PKN2: variants seen among roughly 807,000 people sequenced by gnomAD.
PKN2 encodes the protein protein kinase N2, also known as serine/threonine-protein kinase N2.
Under a neutral mutation model 119.1 loss-of-function variants are expected in PKN2, and 38 were observed. That is an observed-to-expected ratio of 0.32 (90% CI 0.25 to 0.42). The LOEUF (loss-of-function observed/expected upper bound fraction) is 0.42. Among genes scored for constraint, PKN2 ranks in the 10% least tolerant of loss-of-function variants. The pLI is 1.00. For missense variants in PKN2, 850 were observed against 1,165.1 expected (o/e 0.73, Z 3.94); for synonymous variants, 390 against 384.9 (o/e 1.01, Z -0.15).
intron 6 of PKN2, among the ~76,000 whole-genome samples, chr1:88,774,832 C>T (rs986161069): frequency 3.3e-5 from 5 of 151,976 alleles, no homozygotes; most frequent in Non-Finnish European, 7.4e-5. Context: ...CCTCAACCTC[C>T]TGAGTAGCTA....
chr1:88,702,514 G>A lies in PKN2; in HGVS notation c.48+17886G>A, dbSNP rs560665720. Among the ~76,000 whole-genome samples the A allele has an allele frequency of 5.3e-5, 8 of 152,274 alleles. No homozygotes were observed. In the East Asian group the frequency reaches 1.5e-3, roughly 29 times the overall value. ...TGCTGGTTCTAAACTTTGGTCAGCA[G>A]CTTGAGAAGGAAGGCATTGTGTTAT... On this transcript the variant is annotated intron_variant, in intron 1 of 21. Transcript: ENST00000370521.
At chr1:88,745,443 A>C (rs991038895) in intron 2 of PKN2, among the ~76,000 whole-genome samples, 10 of 152,240 alleles carry the variant, frequency 6.6e-5, no homozygotes, top group Non-Finnish European at 1.5e-4. Flanking sequence ...ATCAGCATAC[A>C]AAAGTCAGTA....
chr1:88,717,181 C>T (rs1667489763), intron 1 of PKN2, among the ~76,000 whole-genome samples: 1 of 152,194 alleles, frequency 6.6e-6, no homozygotes, highest in Non-Finnish European at 1.5e-5. Context: ...GTCTGATGGG[C>T]TTCCCTTTGT....
At chr1:88,718,620 T>A (rs959610070) in intron 1 of PKN2, among the ~76,000 whole-genome samples, 2 of 152,176 alleles carry the variant, frequency 1.3e-5, no homozygotes, top group Non-Finnish European at 2.9e-5. Context: ...AACTGAAAAT[T>A]TCTTAACATC....
chr1:88,820,030 A>ATACC (rs1281407033), intron 16 of PKN2, among the ~76,000 whole-genome samples: 1 of 151,630 alleles, frequency 6.6e-6, no homozygotes, highest in Non-Finnish European at 1.5e-5. Context: ...ATTAGGAGAA[A>ATACC]TACCTAATGT....
chr1:88,760,261 G>T lies in PKN2; in HGVS notation c.389G>T (p.Arg130Leu), dbSNP rs749956821. The change falls in exon 3 of 22, where the codon CGT becomes CTT. Residue 130 changes from arginine (R) to leucine (L), a missense_variant. Arg to Leu is a moderately radical substitution (Grantham distance 102). Around this residue, in one of 9 missense-constraint regions of PKN2, gnomAD observed 350 missense variants for 511.1 expected, o/e 0.68. Coordinates refer to ENST00000370521, the MANE Select transcript of PKN2 (RefSeq NM_006256.4). ...RTPDTPNNDP[R>L]CSTSNNRLKA... is the part of the protein sequence containing the mutation. ...CCAGATACTCCAAATAATGACCCTC[G>T]TTGTTCTACTAGCAACAATAGATTG... is the stretch of plus-strand genomic sequence containing the variant. 6.3e-7 allele frequency: 1 copy of T among 1,578,596 alleles called. No individual in the cohort carries two copies. The highest frequency in any genetic ancestry group is 8.7e-7 in the Non-Finnish European group (1 of 1,152,870).
chr1:88,816,097 G>A (rs1281515013), intron 16 of PKN2, among the ~76,000 whole-genome samples: 5 of 151,402 alleles, frequency 3.3e-5, no homozygotes, highest in Non-Finnish European at 7.4e-5. Context: ...CCAAGATCAC[G>A]TCACTGCACT....
At chr1:88,712,512 A>G (rs1042645683) in intron 1 of PKN2, among the ~76,000 whole-genome samples, 6 of 152,150 alleles carry the variant, frequency 3.9e-5, no homozygotes, top group Admixed American at 2.6e-4. Flanking sequence ...ATGATTTTGC[A>G]TACTACTAAA....
intron 1 of PKN2, among the ~76,000 whole-genome samples, chr1:88,699,875 T>C (rs111773543): frequency 0.021 from 3,193 of 152,186 alleles, 70 homozygotes; most frequent in South Asian, 0.07. Flanking sequence ...CTCTGCCTCC[T>C]GGGTTCAAGT....
intron 2 of PKN2, among the ~76,000 whole-genome samples, chr1:88,747,864 C>T (rs558086028): frequency 3.1e-4 from 47 of 151,984 alleles, no homozygotes; most frequent in Middle Eastern, 3.4e-3. Flanking sequence ...CTTCTAAATT[C>T]CTAAAATATA....
intron 6 of PKN2, among the ~76,000 whole-genome samples, chr1:88,774,341 G>A (rs1487476461): frequency 6.6e-6 from 1 of 152,126 alleles, no homozygotes; most frequent in African/African-American, 2.4e-5. Context: ...CCCCTCCCTA[G>A]GTCAGGAGGT....
At chr1:88,804,947 G>T in intron 10 of PKN2, 26 bp downstream of exon 10, 1 of 1,049,588 alleles carries the variant, frequency 9.5e-7, no homozygotes, top group African/African-American at 1.6e-5. Flanking sequence ...CAAATGCATA[G>T]CATTTTGATA....
intron 2 of PKN2, among the ~76,000 whole-genome samples, chr1:88,744,787 T>TA (rs1233794010): frequency 6.6e-6 from 1 of 152,212 alleles, no homozygotes; most frequent in Non-Finnish European, 1.5e-5. Context: ...GTTTGTAAAA[T>TA]AAGGATTTTT....
chr1:88,830,718 AATTG>A (rs1333167132), intron 19 of PKN2, among the ~76,000 whole-genome samples: 1 of 152,106 alleles, frequency 6.6e-6, no homozygotes, highest in Non-Finnish European at 1.5e-5. Context: ...TAAAAGAGCT[AATTG>A]ATTGAGCTCT....
At chr1:88,805,401 T>G in intron 10 of PKN2, 96 bp from the exon 11 acceptor site, 1 of 1,117,056 alleles carries the variant, frequency 9.0e-7, no homozygotes, top group Non-Finnish European at 1.2e-6. Context: ...TTGTTCTTCG[T>G]AGATTATAAA....
At chr1:88,786,937 T>C (rs889992145) in intron 8 of PKN2, among the ~76,000 whole-genome samples, 3 of 149,640 alleles carry the variant, frequency 2.0e-5, no homozygotes, top group South Asian at 2.2e-4. Flanking sequence ...AAGCCTCTAC[T>C]TTTAAAACTG....
At chr1:88,762,382 A>G (rs1029644335) in intron 3 of PKN2, among the ~76,000 whole-genome samples, 3 of 152,158 alleles carry the variant, frequency 2.0e-5, no homozygotes, top group Admixed American at 6.5e-5. Flanking sequence ...TGCAACTACT[A>G]TTGCCTCTGA....
chr1:88,807,109 A>T (rs1055809324), intron 12 of PKN2, among the ~76,000 whole-genome samples: 1 of 152,110 alleles, frequency 6.6e-6, no homozygotes, highest in South Asian at 2.1e-4. Context: ...TGTGGCTGGG[A>T]ATTCAAGACC....
At chr1:88,728,997 C>A (rs1668016874) in intron 1 of PKN2, among the ~76,000 whole-genome samples, 1 of 150,904 alleles carries the variant, frequency 6.6e-6, no homozygotes, top group Non-Finnish European at 1.5e-5. Context: ...TGGGTTCAAG[C>A]GATTCTCCTG....
Sources: allele counts gnomAD v4.1 joint callset (sites outside exome capture counted in the v4.1 genomes callset), GRCh38; gene constraint gnomAD v4.1.1; regional missense constraint gnomAD v4.1.1; transcripts MANE v1.5; gene names NCBI Gene and HGNC (gene_info 2026-07-23, HGNC 2026-07-21).